GRB2: variants seen among roughly 807,000 people sequenced by gnomAD.
GRB2 encodes the protein growth factor receptor bound protein 2, also known as growth factor receptor-bound protein 2.
In GRB2, 2 loss-of-function variants were observed where a neutral mutation model predicts 27.4. The ratio of observed to expected loss-of-function variants is 0.07; its 90% CI spans 0.03 to 0.23. The LOEUF is 0.23. GRB2 is among the 10% of genes least tolerant of loss of function. The pLI, the probability that GRB2 is intolerant of heterozygous loss-of-function variation, is 1.00. For missense variants in GRB2, 102 were observed against 282.4 expected (o/e 0.36, Z 4.58); for synonymous variants, 94 against 99.6 (o/e 0.94, Z 0.33).
At chr17:75,337,874 C>G (rs1598223829) in intron 2 of GRB2, among the ~76,000 whole-genome samples, 1 of 105,902 alleles carries the variant, frequency 9.4e-6, no homozygotes, top group Admixed American at 1.0e-4. Context: ...CCTACTATTA[C>G]TACTACTACT....
intron 2 of GRB2, among the ~76,000 whole-genome samples, chr17:75,368,673 T>C (rs138880987): frequency 9.1e-4 from 139 of 152,104 alleles, no homozygotes; most frequent in Middle Eastern, 3.4e-3. Flanking sequence ...GCCTCCTGAG[T>C]AGCAGGGACT....
chr17:75,391,308 A>G (rs138997877), intron 2 of GRB2, among the ~76,000 whole-genome samples: 99 of 152,298 alleles, frequency 6.5e-4, no homozygotes, highest in African/African-American at 2.2e-3. Context: ...AGTGAATGTG[A>G]GTATTCTGAT....
Position 75,319,574 on chromosome 17 carries a change from T to G in GRB2, c.*794A>C, listed in dbSNP as rs1375159460. ...GATTCTCCTGCCTCAGGCTCCCAAGTAGCTGGGACTACAGGTGCGTGCCAC... is the reference window on the plus strand; with the variant it reads ...GATTCTCCTGCCTCAGGCTCCCAAGGAGCTGGGACTACAGGTGCGTGCCAC... On this transcript the variant is annotated 3_prime_UTR_variant, in exon 6 of 6. Coordinates refer to ENST00000316804, the MANE Select transcript of GRB2 (RefSeq NM_002086.5). 1.5e-5 allele frequency: 2 copies of G among 136,496 alleles called. No homozygotes were observed. The highest frequency in any genetic ancestry group is 1.6e-5 in the Non-Finnish European group (1 of 62,666). 8.5% of individuals were successfully genotyped at this position (136,496 alleles called of 1,614,324 possible).
At chr17:75,399,220 G>T (rs977972149) in intron 1 of GRB2, among the ~76,000 whole-genome samples, 10 of 149,842 alleles carry the variant, frequency 6.7e-5, no homozygotes, top group Non-Finnish European at 8.9e-5. Context: ...GCTAATTTTT[G>T]TGTGTGTGTG....
At chr17:75,322,691 T>C (rs1025311813) in intron 4 of GRB2, among the ~76,000 whole-genome samples, 1 of 152,142 alleles carries the variant, frequency 6.6e-6, no homozygotes, top group Non-Finnish European at 1.5e-5. Flanking sequence ...GATCACACCC[T>C]TTTATACTGG....
intron 1 of GRB2, chr17:75,395,051 C>T (rs1567877153): frequency 2.6e-5 from 4 of 152,178 alleles, no homozygotes; most frequent in Non-Finnish European, 4.4e-5. Flanking sequence ...TGACACCTTT[C>T]TTGGATAATT....
At chr17:75,376,549 A>T (rs889918637) in intron 2 of GRB2, among the ~76,000 whole-genome samples, 1 of 151,166 alleles carries the variant, frequency 6.6e-6, no homozygotes, top group African/African-American at 2.4e-5. Context: ...TTAGTGAAGC[A>T]TGAACTTCTA....
At chr17:75,359,706 A>C (rs2078766596) in intron 2 of GRB2, among the ~76,000 whole-genome samples, 1 of 152,132 alleles carries the variant, frequency 6.6e-6, no homozygotes, top group South Asian at 2.1e-4. Context: ...CAACTGCCAG[A>C]ATGTTTTATG....
chr17:75,375,537 A>G (rs1241222278), intron 2 of GRB2, among the ~76,000 whole-genome samples: 7 of 152,344 alleles, frequency 4.6e-5, no homozygotes, highest in African/African-American at 1.7e-4. Flanking sequence ...ACAAGCCCCA[A>G]TAAATCTGAA....
Position 75,375,825 on chromosome 17 carries a change from A to T in GRB2, c.78+17726T>A, listed in dbSNP as rs2145858690. ...TGGATCACGAGGTCAGGAGATCGAG[A>T]CCATCCTGGCTAACACGGTGAAACC... On this transcript the variant is annotated intron_variant, in intron 2 of 5. Transcript: ENST00000316804. 1.3e-5 allele frequency among the ~76,000 whole-genome samples: 2 copies of T among 151,990 alleles called. 1 individual carries two copies. Among genetic ancestry groups the T allele is most frequent in the South Asian group, 4.2e-4 (2 of 4,808 alleles).
rs941203035 is a variant in GRB2 at position 75,393,699 on chromosome 17, C to A, written c.-71G>T. 7 of 1,236,760 alleles carry A rather than the reference C, an allele frequency of 5.7e-6. No individual in the cohort carries two copies. The highest frequency in any genetic ancestry group is 2.3e-5 in the East Asian group (1 of 43,138). 76.6% of individuals were successfully genotyped at this position (1,236,760 alleles called of 1,614,324 possible). On this transcript the variant is annotated 5_prime_UTR_variant, in exon 2 of 6. Transcript: ENST00000316804. The stretch of plus-strand genomic sequence containing the variant: ...AGTCTTCCCTGCTGAAGCAACCCAG[C>A]GCTCTGGGCTTAGCCTCGCCTCTCT...
chr17:75,345,688 A>G (rs1339457177), intron 2 of GRB2, among the ~76,000 whole-genome samples: 3 of 152,098 alleles, frequency 2.0e-5, no homozygotes, highest in African/African-American at 7.2e-5. Flanking sequence ...TAGAGTGGCA[A>G]GTCCCTACCC....
intron 3 of GRB2, among the ~76,000 whole-genome samples, chr17:75,327,073 C>CT (rs66526663): frequency 0.62 from 84,196 of 135,732 alleles, 30,835 homozygotes; most frequent in East Asian, 0.86. Flanking sequence ...CATATCTTTT[C>CT]TTTTTTTTTT....
chr17:75,371,597 G>A (rs2078857029), intron 2 of GRB2: 1 of 152,006 alleles, frequency 6.6e-6, no homozygotes, highest in South Asian at 2.1e-4. Flanking sequence ...ATGGTGCTCG[G>A]GGCAGCAAAG....
chr17:75,373,481 C>T (rs1303652865), intron 2 of GRB2: 1 of 152,110 alleles, frequency 6.6e-6, no homozygotes, highest in African/African-American at 2.4e-5. Flanking sequence ...AGGACAACTC[C>T]AACATCTCTT....
chr17:75,332,792 C>T lies in GRB2; in HGVS notation c.84G>A (p.Leu28=), dbSNP rs1451914449. Residue 28 remains leucine, a synonymous_variant, in exon 3 of 6, where the codon TTG becomes TTA. Coordinates refer to ENST00000316804, the MANE Select transcript of GRB2 (RefSeq NM_002086.5). ...SFKRGDILKV[L]NEECDQNWYK... ...ACCAGTTCTGATCACATTCTTCGTT[C>T]AAAACCTGAAAAGAAATAAGACAAC... 1 of 1,595,546 alleles carries T rather than the reference C, an allele frequency of 6.3e-7. No homozygotes were observed. Among genetic ancestry groups the T allele is most frequent in the Non-Finnish European group, 8.6e-7 (1 of 1,168,356 alleles).
At chr17:75,333,230 G>A (rs1250149552) in intron 2 of GRB2, among the ~76,000 whole-genome samples, 2 of 152,038 alleles carry the variant, frequency 1.3e-5, no homozygotes, top group Admixed American at 6.6e-5. Flanking sequence ...CGCATGCCAC[G>A]TTGCCCAGCT....
rs958711404 is a variant in GRB2, at chr17:75,383,885, A to T, written c.78+9666T>A. On this transcript the variant is annotated intron_variant, in intron 2 of 5. Transcript: ENST00000316804. ...AACAACAACAACAAAAAACACCAAC[A>T]TATTGGCTCTTTTAGTCTTCACTAT... 3.3e-5 allele frequency among the ~76,000 whole-genome samples: 5 copies of T among 152,034 alleles called. No homozygotes were observed. The East Asian group carries it at 9.6e-4, about 29-fold the overall frequency.
intron 2 of GRB2, among the ~76,000 whole-genome samples, chr17:75,387,958 A>T (rs1460027444): frequency 6.6e-6 from 1 of 152,200 alleles, no homozygotes; most frequent in Admixed American, 6.5e-5. Flanking sequence ...TCTCCCAAAA[A>T]GAATCTTTTA....
Sources: gnomAD v4.1 joint callset for allele counts (sites outside exome capture counted in the v4.1 genomes callset) on GRCh38, gnomAD v4.1.1 for gene constraint, MANE v1.5 for transcripts, NCBI Gene and HGNC (gene_info 2026-07-23, HGNC 2026-07-21) for gene names.